STOX2: variants seen among roughly 807,000 people sequenced by gnomAD.
STOX2 encodes the protein storkhead box 2, also known as storkhead-box protein 2.
A neutral mutation model predicts 60.9 loss-of-function variants in STOX2; 28 were observed. That is an observed-to-expected ratio of 0.46 (90% CI 0.34 to 0.63). STOX2 has a LOEUF of 0.63. Ranked by LOEUF, STOX2 falls within the 30% of genes least tolerant of loss-of-function variation. The pLI, the probability that STOX2 is intolerant of heterozygous loss-of-function variation, is 0.01. For missense variants in STOX2, 1,024 were observed against 1,187.7 expected (o/e 0.86, Z 2.03); for synonymous variants, 472 against 463.9 (o/e 1.02, Z -0.22).
At chr4:183,841,589 A>G (rs1739864007) in intron 1 of STOX2, among the ~76,000 whole-genome samples, 1 of 152,150 alleles carries the variant, frequency 6.6e-6, no homozygotes, top group Admixed American at 6.6e-5. Flanking sequence ...CCTGCTTCTT[A>G]TTTTAAAATG....
chr4:183,908,592 GTTT>G (rs10671305), intron 1 of STOX2, among the ~76,000 whole-genome samples: 9 of 126,670 alleles, frequency 7.1e-5, no homozygotes, highest in Admixed American at 8.1e-5. Context: ...CAGGCAGCCA[GTTT>G]TTTTTTTTTT....
intron 1 of STOX2, among the ~76,000 whole-genome samples, chr4:183,819,388 T>A (rs953817481): frequency 2.0e-5 from 3 of 151,524 alleles, no homozygotes; most frequent in African/African-American, 7.3e-5. Context: ...ACCAAAAAAA[T>A]ACGAAAACCA....
At chr4:183,973,408 A>G (rs756916607) in intron 1 of STOX2, among the ~76,000 whole-genome samples, 1 of 152,220 alleles carries the variant, frequency 6.6e-6, no homozygotes, top group African/African-American at 2.4e-5. Context: ...GATACATAAC[A>G]TATAATAGAA....
intron 1 of STOX2, among the ~76,000 whole-genome samples, chr4:183,980,328 C>T (rs547248038): frequency 6.6e-6 from 1 of 152,294 alleles, no homozygotes; most frequent in South Asian, 2.1e-4. Flanking sequence ...ATAATGTTTA[C>T]TTTTAAGCCA....
intron 1 of STOX2, among the ~76,000 whole-genome samples, chr4:183,912,837 T>C (rs1357348751): frequency 6.6e-6 from 1 of 152,216 alleles, no homozygotes; most frequent in African/African-American, 2.4e-5. Context: ...GAAAGTTGAA[T>C]GAGGTCTCGA....
chr4:183,807,061 C>T (rs1044866069), intron 1 of STOX2, among the ~76,000 whole-genome samples: 2 of 152,230 alleles, frequency 1.3e-5, no homozygotes, highest in South Asian at 2.1e-4. Flanking sequence ...CAAGCTCCGT[C>T]TCCCGGGTTC....
At chr4:183,938,494 C>T (rs1344241884) in intron 1 of STOX2, among the ~76,000 whole-genome samples, 1 of 152,034 alleles carries the variant, frequency 6.6e-6, no homozygotes, top group Non-Finnish European at 1.5e-5. Flanking sequence ...CATGGTGAAA[C>T]CCCGTCTCTA....
chr4:183,829,286 C>G (rs530377214), intron 1 of STOX2, among the ~76,000 whole-genome samples: 1 of 152,342 alleles, frequency 6.6e-6, no homozygotes, highest in African/African-American at 2.4e-5. Flanking sequence ...AAACATTCAT[C>G]TCTACATTCA....
At chr4:183,894,736 C>A (rs951185583) in intron 1 of STOX2, among the ~76,000 whole-genome samples, 3 of 152,100 alleles carry the variant, frequency 2.0e-5, no homozygotes, top group African/African-American at 7.2e-5. Flanking sequence ...TTTTCATTGG[C>A]TTGGGAAGCA....
intron 1 of STOX2, among the ~76,000 whole-genome samples, chr4:183,997,268 A>G (rs1485006061): frequency 6.6e-6 from 1 of 152,346 alleles, no homozygotes; most frequent in East Asian, 1.9e-4. Context: ...AGGTCGACCC[A>G]AGGAGCATCC....
At chr4:183,930,583 C>G (rs902288488) in intron 1 of STOX2, among the ~76,000 whole-genome samples, 2 of 151,264 alleles carry the variant, frequency 1.3e-5, no homozygotes, top group Admixed American at 1.3e-4. Context: ...GTCTCCAACT[C>G]TTTTGTTCAA....
At chr4:183,807,077 A>G (rs1267275207) in intron 1 of STOX2, among the ~76,000 whole-genome samples, 1 of 151,822 alleles carries the variant, frequency 6.6e-6, no homozygotes, top group Admixed American at 6.6e-5. Flanking sequence ...GGTTCACGCC[A>G]TTCTCCTGCT....
intron 1 of STOX2, among the ~76,000 whole-genome samples, chr4:183,816,110 T>C (rs754909096): frequency 2.0e-5 from 3 of 152,196 alleles, no homozygotes; most frequent in Non-Finnish European, 4.4e-5. Context: ...TAACCAGCGA[T>C]TTCATGAGTG....
intron 1 of STOX2, among the ~76,000 whole-genome samples, chr4:183,850,762 A>G (rs1740098456): frequency 6.6e-6 from 1 of 152,190 alleles, no homozygotes; most frequent in African/African-American, 2.4e-5. Flanking sequence ...GAAGAAGAAC[A>G]TGTTGCCACC....
chr4:183,828,082 A>G (rs1000395922), intron 1 of STOX2, among the ~76,000 whole-genome samples: 6 of 152,144 alleles, frequency 3.9e-5, no homozygotes, highest in African/African-American at 7.2e-5. Context: ...AAGACAGTCT[A>G]TTTTTGAGAA....
chr4:184,005,451 A>G lies in STOX2; in HGVS notation c.320-3707A>G, dbSNP rs540555700. Reference sequence around the variant, plus strand: ...CCAGCTTGGGTGACAGAGTGAGACGATATCTCAAAAAAAAAAAAAAAAAAA... The same window carrying G: ...CCAGCTTGGGTGACAGAGTGAGACGGTATCTCAAAAAAAAAAAAAAAAAAA... On this transcript the variant is annotated intron_variant, in intron 2 of 3. Coordinates refer to ENST00000308497, the MANE Select transcript of STOX2 (RefSeq NM_020225.3). 2.4e-4 allele frequency among the ~76,000 whole-genome samples: 23 copies of G among 96,746 alleles called. No homozygotes were observed. In the Admixed American group the frequency reaches 2.5e-3, roughly 11 times the overall value. 63.5% of individuals were successfully genotyped at this position (96,746 alleles called of 152,430 possible). A position where few individuals can be genotyped will look rare whatever the true frequency, so the allele number is the denominator to read the frequency against.
chr4:183,805,129 A>G (rs1395062652), intron 1 of STOX2, among the ~76,000 whole-genome samples: 3 of 152,234 alleles, frequency 2.0e-5, no homozygotes, highest in Admixed American at 6.5e-5. Context: ...GCTGCAAGGA[A>G]TTTTAAATGT....
chr4:183,802,402 T>G (rs1738785395), intron 1 of STOX2, among the ~76,000 whole-genome samples: 1 of 152,166 alleles, frequency 6.6e-6, no homozygotes, highest in Admixed American at 6.5e-5. Context: ...TGAGACAAGG[T>G]TTCATTCTGT....
intron 1 of STOX2, among the ~76,000 whole-genome samples, chr4:183,890,364 T>C: frequency 6.6e-6 from 1 of 151,368 alleles, no homozygotes. Flanking sequence ...GCACCTGTAG[T>C]CCCAGCTACC....
Sources: allele counts gnomAD v4.1 joint callset (sites outside exome capture counted in the v4.1 genomes callset), GRCh38; gene constraint gnomAD v4.1.1; transcripts MANE v1.5; gene names NCBI Gene and HGNC (gene_info 2026-07-23, HGNC 2026-07-21).